DGKG: variants seen among roughly 807,000 people sequenced by gnomAD.
DGKG encodes the protein diacylglycerol kinase gamma, also known as DAG kinase gamma.
Under a neutral mutation model 105.3 loss-of-function variants are expected in DGKG, and 78 were observed. The ratio of observed to expected loss-of-function variants is 0.74; its 90% CI spans 0.62 to 0.89. DGKG has a LOEUF of 0.89. Among genes scored for constraint, DGKG ranks in the 40% least tolerant of loss-of-function variants. The pLI, the probability that DGKG is intolerant of heterozygous loss-of-function variation, is 0.00. For synonymous variants in DGKG, 346 were observed against 367.1 expected (o/e 0.94, Z 0.66); for missense variants, 958 against 1,020.1 (o/e 0.94, Z 0.83).
At chr3:186,319,993 C>T (rs1725003706) in intron 2 of DGKG, among the ~76,000 whole-genome samples, 1 of 152,220 alleles carries the variant, frequency 6.6e-6, no homozygotes, top group African/African-American at 2.4e-5. Flanking sequence ...AAATTATGCT[C>T]TGAAGAGCTT....
rs1426672370 is a variant in DGKG, at chr3:186,203,872, A to G, written c.1917+7923T>C. ...AGCCAATTCCTACTTTCCTTACTCC[A>G]GGGAAAGGCTCTACCTGTGGTAGCT... On this transcript the variant is annotated intron_variant, in intron 21 of 24. Transcript: ENST00000265022. This position sits in a 1 kb window ranked among gnomAD's most constrained non-coding sequence, Gnocchi z 4.9. 2.0e-5 allele frequency among the ~76,000 whole-genome samples: 3 copies of G among 152,212 alleles called. No individual in the cohort carries two copies. Among genetic ancestry groups the G allele is most frequent in the Non-Finnish European group, 4.4e-5 (3 of 68,038 alleles).
intron 24 of DGKG, among the ~76,000 whole-genome samples, chr3:186,155,273 A>ACCT (rs1456575783): frequency 6.6e-6 from 1 of 151,896 alleles, no homozygotes; most frequent in African/African-American, 2.4e-5. Flanking sequence ...GCTCACTGCA[A>ACCT]CCTCCGCCTC....
At chr3:186,225,278 T>C (rs1422101171) in intron 20 of DGKG, among the ~76,000 whole-genome samples, 2 of 152,092 alleles carry the variant, frequency 1.3e-5, no homozygotes, top group Non-Finnish European at 2.9e-5. Flanking sequence ...TGAATCATTT[T>C]TTTTAATGAC....
intron 24 of DGKG, among the ~76,000 whole-genome samples, chr3:186,152,735 C>T (rs1421088037): frequency 6.6e-6 from 1 of 152,158 alleles, no homozygotes; most frequent in Non-Finnish European, 1.5e-5. Context: ...GCAATCTCGG[C>T]TCACTGCAAC....
intron 21 of DGKG, among the ~76,000 whole-genome samples, chr3:186,189,521 G>A (rs757984755): frequency 1.6e-4 from 24 of 152,226 alleles, no homozygotes; most frequent in Non-Finnish European, 1.9e-4. Flanking sequence ...GGGATTCAAA[G>A]TTGGGGGATT....
At position 186,284,694 on chromosome 3, in the gene DGKG, T is replaced by C. The variant is rs1008694634; in HGVS notation, c.560A>G (p.Tyr187Cys). Residue 187 changes from tyrosine (Y) to cysteine (C), a missense_variant, in exon 7 of 25, where the codon TAT becomes TGT. By Grantham distance (194) the Tyr-to-Cys change is radical. Transcript: ENST00000265022. The surrounding 1 kb of genome is among the most constrained non-coding windows in gnomAD (Gnocchi z 4.0). ...QDKLEFMFRL[Y>C]DSDENGLLDQ... Reference sequence around the variant, plus strand: ...CAGGAGACCGTTCTCATCTGAATCATAGAGGCGAAACATGACTGTAAGAAA... The same window carrying C: ...CAGGAGACCGTTCTCATCTGAATCACAGAGGCGAAACATGACTGTAAGAAA... The C allele has an allele frequency of 2.5e-6, 4 of 1,613,908 alleles. No individual in the cohort carries two copies. Among genetic ancestry groups the C allele is most frequent in the South Asian group, 1.1e-5 (1 of 91,070 alleles).
At chr3:186,357,696 T>C (rs1727039912) in intron 1 of DGKG, among the ~76,000 whole-genome samples, 1 of 152,196 alleles carries the variant, frequency 6.6e-6, no homozygotes, top group African/African-American at 2.4e-5. Flanking sequence ...CCACCATCCC[T>C]CCTTTATCTT....
At chr3:186,257,667 C>T (rs1398481649) in intron 17 of DGKG, 187 bp downstream of exon 17, 4 of 545,530 alleles carry the variant, frequency 7.3e-6, no homozygotes, top group Admixed American at 6.3e-5. Flanking sequence ...GGGAATCATT[C>T]GATTGTCTTA....
At chr3:186,159,428 T>A (rs1315187844) in intron 24 of DGKG, 1 of 152,214 alleles carries the variant, frequency 6.6e-6, no homozygotes, top group Non-Finnish European at 1.5e-5. Flanking sequence ...TTGGCCTTTG[T>A]TAATATAATC....
At chr3:186,317,696 GC>G (rs1192472978) in intron 2 of DGKG, among the ~76,000 whole-genome samples, 9 of 152,106 alleles carry the variant, frequency 5.9e-5, no homozygotes, top group Non-Finnish European at 2.9e-5. Flanking sequence ...GCATCAGGAG[GC>G]CTCCCACCAG....
intron 20 of DGKG, among the ~76,000 whole-genome samples, chr3:186,237,823 G>A (rs577296891): frequency 2.0e-4 from 30 of 152,300 alleles, no homozygotes; most frequent in African/African-American, 7.0e-4. Context: ...TTCTTCCAGT[G>A]TCAGTTCCTT....
chr3:186,274,748 T>C (rs1031864161), intron 10 of DGKG, among the ~76,000 whole-genome samples: 1 of 152,172 alleles, frequency 6.6e-6, no homozygotes, highest in African/African-American at 2.4e-5. Context: ...TAGTATTCTA[T>C]GGTATATATG....
At chr3:186,272,479 T>G in intron 10 of DGKG, 136 bp from the exon 11 acceptor site, 1 of 661,146 alleles carries the variant, frequency 1.5e-6, no homozygotes. Context: ...GGGGCTGGTC[T>G]TGCCTAACGG....
intron 21 of DGKG, among the ~76,000 whole-genome samples, chr3:186,198,733 G>A (rs984639230): frequency 4.6e-5 from 7 of 152,250 alleles, no homozygotes; most frequent in Non-Finnish European, 1.0e-4. Flanking sequence ...TGGAGGCAAC[G>A]GGGAAGAAAA....
At chr3:186,264,516 A>G (rs1721950452) in intron 14 of DGKG, among the ~76,000 whole-genome samples, 1 of 152,324 alleles carries the variant, frequency 6.6e-6, no homozygotes, top group East Asian at 1.9e-4. Context: ...TGCCCGCCTC[A>G]GCATCCCAAA....
intron 10 of DGKG, among the ~76,000 whole-genome samples, chr3:186,272,582 C>T (rs1397905786): frequency 6.6e-6 from 1 of 152,204 alleles, no homozygotes; most frequent in Non-Finnish European, 1.5e-5. Context: ...CCTTCCTCTG[C>T]AGGCAATGAA....
chr3:186,295,638 T>TAAAAAAAAAAAAAAAAAAAAA (rs34829528), intron 5 of DGKG, among the ~76,000 whole-genome samples: 10 of 84,510 alleles, frequency 1.2e-4, no homozygotes, highest in African/African-American at 5.0e-4. Context: ...TAATGCACAG[T>TAAAAAAAAAAAAAAAAAAAAA]AAAAAAAAAA....
At chr3:186,257,733 AG>A in intron 17 of DGKG, 120 bp downstream of exon 17, 2 of 697,868 alleles carry the variant, frequency 2.9e-6, no homozygotes, top group Non-Finnish European at 2.5e-6. Flanking sequence ...GTGTTGGTCC[AG>A]GGGAAGATAC....
At chr3:186,208,517 A>G (rs1045963216) in intron 21 of DGKG, among the ~76,000 whole-genome samples, 3 of 152,086 alleles carry the variant, frequency 2.0e-5, no homozygotes, top group Non-Finnish European at 4.4e-5. Flanking sequence ...TCCTCTGGTC[A>G]CTGAACCTGT....
Sources: allele counts gnomAD v4.1 joint callset (sites outside exome capture counted in the v4.1 genomes callset), GRCh38; gene constraint gnomAD v4.1.1; non-coding constraint Gnocchi (gnomAD v3.1); transcripts MANE v1.5; gene names NCBI Gene and HGNC (gene_info 2026-07-23, HGNC 2026-07-21).